Variants in SDCCAG8 observed in about 807,000 individuals in gnomAD.
SDCCAG8 encodes the protein SHH signaling and ciliogenesis regulator SDCCAG8.
Under a neutral mutation model 101.8 loss-of-function variants are expected in SDCCAG8, and 74 were observed. The observed-to-expected ratio is 0.73, with a 90% CI of 0.60 to 0.88. The LOEUF (loss-of-function observed/expected upper bound fraction) is 0.88, where lower values mean the gene tolerates loss of function less well. Among genes scored for constraint, SDCCAG8 ranks in the 40% least tolerant of loss-of-function variants. The pLI, the probability that SDCCAG8 is intolerant of heterozygous loss-of-function variation, is 0.00. For missense variants in SDCCAG8, 787 were observed against 822.6 expected (o/e 0.96, Z 0.53); for synonymous variants, 281 against 292.9 (o/e 0.96, Z 0.41).
At chr1:243,278,824 A>C (rs2068788228) in intron 4 of SDCCAG8, among the ~76,000 whole-genome samples, 1 of 151,836 alleles carries the variant, frequency 6.6e-6, no homozygotes, top group Admixed American at 6.6e-5. Flanking sequence ...GCTGGAGTGC[A>C]CAGGCTGGAG....
chr1:243,460,968 C>A (rs1371169026), intron 16 of SDCCAG8, among the ~76,000 whole-genome samples: 1 of 152,176 alleles, frequency 6.6e-6, no homozygotes, highest in Non-Finnish European at 1.5e-5. Flanking sequence ...AGAACATTGT[C>A]AGCTGTTGAG....
At chr1:243,393,626 C>A (rs2078858202) in intron 13 of SDCCAG8, among the ~76,000 whole-genome samples, 1 of 152,098 alleles carries the variant, frequency 6.6e-6, no homozygotes, top group Non-Finnish European at 1.5e-5. Context: ...GTTCCAGCTA[C>A]CATGGAACCT....
intron 13 of SDCCAG8, among the ~76,000 whole-genome samples, chr1:243,411,138 G>A (rs1348628556): frequency 6.6e-6 from 1 of 151,922 alleles, no homozygotes; most frequent in Non-Finnish European, 1.5e-5. Flanking sequence ...TTTTGAGACA[G>A]GGTCTCACTC....
chr1:243,406,778 T>C (rs929557527), intron 13 of SDCCAG8, among the ~76,000 whole-genome samples: 10 of 152,298 alleles, frequency 6.6e-5, no homozygotes, highest in African/African-American at 2.4e-4. Flanking sequence ...CATCCCGTCA[T>C]GCCAAAACTG....
At chr1:243,427,108 A>T (rs528063093) in intron 16 of SDCCAG8, among the ~76,000 whole-genome samples, 17 of 152,308 alleles carry the variant, frequency 1.1e-4, no homozygotes, top group Middle Eastern at 3.4e-3. Context: ...TCTACTTTGC[A>T]TTTTGATGGA....
chr1:243,265,535 G>A lies in SDCCAG8; in HGVS notation c.68-4570G>A, dbSNP rs115450040. Among the ~76,000 whole-genome samples, 628 of 152,302 alleles carry A rather than the reference G, an allele frequency of 4.1e-3. 7 individuals carry two copies. Among genetic ancestry groups the A allele is most frequent in the African/African-American group, 0.014 (576 of 41,580 alleles). On this transcript the variant is annotated intron_variant, in intron 1 of 17. Coordinates refer to ENST00000366541, the MANE Select transcript of SDCCAG8 (RefSeq NM_006642.5). The stretch of plus-strand genomic sequence containing the variant: ...TGCTCTTAAAATCCTGCCCTAGGCC[G>A]GGCATGGTGGCTCACTCCTGTAATC...
intron 16 of SDCCAG8, among the ~76,000 whole-genome samples, chr1:243,461,742 T>C (rs1449533515): frequency 2.0e-5 from 3 of 152,132 alleles, no homozygotes; most frequent in Admixed American, 1.3e-4. Context: ...AAATGTACCA[T>C]GGTACATTTT....
intron 6 of SDCCAG8, among the ~76,000 whole-genome samples, chr1:243,302,346 GGA>G (rs919714393): frequency 8.6e-5 from 12 of 139,198 alleles, no homozygotes; most frequent in African/African-American, 3.1e-4. Flanking sequence ...CTACTCTGGG[GGA>G]AAAAATGTCA....
intron 16 of SDCCAG8, chr1:243,475,913 A>G (rs1028356425): frequency 3.0e-6 from 3 of 984,782 alleles, no homozygotes; most frequent in African/African-American, 1.7e-5. Flanking sequence ...GACTCCGCGT[A>G]TTCCTTCTCC....
intron 13 of SDCCAG8, among the ~76,000 whole-genome samples, chr1:243,397,971 A>C (rs2079129988): frequency 6.6e-6 from 1 of 152,246 alleles, no homozygotes; most frequent in Non-Finnish European, 1.5e-5. Context: ...TGTCTACCAC[A>C]GTTTTCCTTG....
At chr1:243,367,482 G>T (rs965606793) in intron 12 of SDCCAG8, among the ~76,000 whole-genome samples, 2 of 151,562 alleles carry the variant, frequency 1.3e-5, no homozygotes, top group African/African-American at 4.8e-5. Context: ...AAAAAATTGT[G>T]CCAATTTGTT....
At chr1:243,432,661 T>A (rs542068243) in intron 16 of SDCCAG8, among the ~76,000 whole-genome samples, 1 of 152,316 alleles carries the variant, frequency 6.6e-6, no homozygotes, top group Non-Finnish European at 1.5e-5. Context: ...TTTTATAACA[T>A]GGGTTTAATT....
At chr1:243,395,500 A>G (rs1210306186) in intron 13 of SDCCAG8, among the ~76,000 whole-genome samples, 1 of 152,216 alleles carries the variant, frequency 6.6e-6, no homozygotes, top group African/African-American at 2.4e-5. Flanking sequence ...AGGAAGATGA[A>G]GAAGAAAACA....
intron 6 of SDCCAG8, among the ~76,000 whole-genome samples, chr1:243,298,350 CT>C (rs35061154): frequency 0.38 from 19,078 of 50,788 alleles, 1,563 homozygotes; most frequent in South Asian, 0.51. Context: ...CGCACCCTGC[CT>C]TTTTTTTTTT....
intron 16 of SDCCAG8, among the ~76,000 whole-genome samples, chr1:243,480,575 TGGGTG>T (rs1246175593): frequency 1.4e-5 from 1 of 69,604 alleles, no homozygotes; most frequent in African/African-American, 6.2e-5. Context: ...GATGGATGGG[TGGGTG>T]GGATGGATGG....
At position 243,417,965 on chromosome 1, in the gene SDCCAG8, T is replaced by C; in HGVS notation, c.1745-3T>C. The C allele has an allele frequency of 6.3e-7, 1 of 1,598,476 alleles. No homozygotes were observed. The highest frequency in any genetic ancestry group is 8.6e-7 in the Non-Finnish European group (1 of 1,166,026). On this transcript the variant is annotated splice_polypyrimidine_tract_variant and splice_region_variant and intron_variant, in intron 14 of 17. Transcript: ENST00000366541. ...GTTGGTGGGGGTTTATTGTTATTTCTAGAAAATGAACAGTATTTGTTGCTG... is the reference window on the plus strand; with the variant it reads ...GTTGGTGGGGGTTTATTGTTATTTCCAGAAAATGAACAGTATTTGTTGCTG...
chr1:243,261,223 A>G (rs2067170818), intron 1 of SDCCAG8, among the ~76,000 whole-genome samples: 1 of 151,376 alleles, frequency 6.6e-6, no homozygotes, highest in Non-Finnish European at 1.5e-5. Context: ...CTTTTCTTCC[A>G]AGAAGGAAGC....
intron 15 of SDCCAG8, 62 bp downstream of exon 15, chr1:243,418,138 T>TA: frequency 8.7e-7 from 1 of 1,153,354 alleles, no homozygotes; most frequent in Non-Finnish European, 1.3e-6. Context: ...AATTTTTCCT[T>TA]AAAAAACATC....
At chr1:243,300,714 A>G (rs963980808) in intron 6 of SDCCAG8, among the ~76,000 whole-genome samples, 2 of 152,142 alleles carry the variant, frequency 1.3e-5, no homozygotes, top group Non-Finnish European at 2.9e-5. Flanking sequence ...TTCAAATCTT[A>G]ACATTTCCTC....
Sources: allele counts gnomAD v4.1 joint callset (sites outside exome capture counted in the v4.1 genomes callset), GRCh38; gene constraint gnomAD v4.1.1; transcripts MANE v1.5; gene names NCBI Gene and HGNC (gene_info 2026-07-23, HGNC 2026-07-21).